The following ATP6V1H variants were observed in gnomAD, a reference collection of about 807,000 sequenced individuals.
ATP6V1H encodes the protein ATPase H+ transporting V1 subunit H.
A neutral mutation model predicts 71.7 loss-of-function variants in ATP6V1H; 39 were observed. That is an observed-to-expected ratio of 0.54 (90% CI 0.42 to 0.71). ATP6V1H has a LOEUF of 0.71. Ranked by LOEUF, ATP6V1H falls within the 30% of genes least tolerant of loss-of-function variation. The probability of loss-of-function intolerance (pLI) is 0.00; values close to 1 mark genes in which losing one functional copy is unlikely to be tolerated. For synonymous variants in ATP6V1H, 192 were observed against 199.3 expected, an observed-to-expected ratio of 0.96 and a Z score of 0.31; for missense variants, 509 against 594.9, an observed-to-expected ratio of 0.86 and a Z score of 1.50.
At chr8:53,831,389 C>T (rs988151738) in intron 3 of ATP6V1H, among the ~76,000 whole-genome samples, 1 of 152,162 alleles carries the variant, frequency 6.6e-6, no homozygotes, top group East Asian at 1.9e-4. Context: ...ACATAGAAAA[C>T]GTGCAGTAAA....
In ATP6V1H at chr8:53,726,689, T is replaced by C. The variant is rs570162744; in HGVS notation, c.1392-10665A>G. On this transcript the variant is annotated intron_variant, in intron 13 of 13. Coordinates refer to ENST00000359530, the MANE Select transcript of ATP6V1H (RefSeq NM_015941.4). The stretch of plus-strand genomic sequence containing the variant: ...CAGGAGAACATCTACCCATCTACTG[T>C]AGAGATGTGTAAAGATTCAAAAGAT... Among the ~76,000 whole-genome samples the C allele has an allele frequency of 4.6e-5, 7 of 152,314 alleles. No homozygotes were observed. In the South Asian group the frequency reaches 1.5e-3, roughly 32 times the overall value.
At chr8:53,752,242 T>C (rs1296326999) in intron 12 of ATP6V1H, among the ~76,000 whole-genome samples, 3 of 152,226 alleles carry the variant, frequency 2.0e-5, no homozygotes, top group African/African-American at 7.2e-5. Context: ...GCTACAACTT[T>C]TGAATATGAA....
chr8:53,820,866 C>T (rs1272136724), intron 4 of ATP6V1H, among the ~76,000 whole-genome samples: 1 of 151,208 alleles, frequency 6.6e-6, no homozygotes, highest in Non-Finnish European at 1.5e-5. Flanking sequence ...CTTGTAATCC[C>T]ACTACTCAGG....
At chr8:53,839,520 A>T (rs1161484472) in intron 2 of ATP6V1H, 1 of 822,528 alleles carries the variant, frequency 1.2e-6, no homozygotes, top group East Asian at 1.2e-4. Flanking sequence ...CACACACCAA[A>T]TCAATCACTA....
rs184388375 is a variant in ATP6V1H, at chr8:53,786,189, G to T, written c.870+9458C>A. Among the ~76,000 whole-genome samples, 1,285 of 152,306 alleles carry T rather than the reference G, an allele frequency of 8.4e-3. 4 individuals are homozygous for T. Among genetic ancestry groups the T allele is most frequent in the South Asian group, 0.015 (74 of 4,826 alleles). On this transcript the variant is annotated intron_variant, in intron 9 of 13. Transcript: ENST00000359530. ...CTTGAGCTGTGGTGGGCTCCACCCAGTTCAAGCTTCCAGGCCGCTTCGTTT... is the reference window on the plus strand; with the variant it reads ...CTTGAGCTGTGGTGGGCTCCACCCATTTCAAGCTTCCAGGCCGCTTCGTTT...
rs767877094 is a variant in ATP6V1H, at chr8:53,841,671, C to T, written c.20G>A (p.Arg7Gln). The T allele has an allele frequency of 4.5e-5, 73 of 1,613,690 alleles. No homozygotes were observed. Among genetic ancestry groups the T allele is most frequent in the Non-Finnish European group, 5.9e-5 (70 of 1,179,806 alleles). The change falls in exon 2 of 14, where the codon CGA (arginine) becomes CAA (glutamine). Residue 7 changes from arginine (R) to glutamine (Q), a missense_variant. Transcript: ENST00000359530. Reference sequence around the variant, plus strand: ...GGGGACAGCAGCATCCACAGCACCTCGGATATCCATTTTGGTCATCTAAAC... The same window carrying T: ...GGGGACAGCAGCATCCACAGCACCTTGGATATCCATTTTGGTCATCTAAAC... MTKMDI[R>Q]GAVDAAVPTN...
chr8:53,738,321 G>A (rs988802774), intron 13 of ATP6V1H, among the ~76,000 whole-genome samples: 2 of 150,380 alleles, frequency 1.3e-5, no homozygotes, highest in South Asian at 2.1e-4. Flanking sequence ...ATGCGTGCAC[G>A]TGCACACACA....
In ATP6V1H at chr8:53,817,518, G is replaced by A. The variant is rs748113513; in HGVS notation, c.319C>T (p.Arg107Cys). 15 of 1,607,688 alleles carry A rather than the reference G, an allele frequency of 9.3e-6. No individual in the cohort carries two copies. Among genetic ancestry groups the A allele is most frequent in the African/African-American group, 8.0e-5 (6 of 74,632 alleles). ...VDDMLQENHQRVSIFFDYARC... is the reference protein window; with the variant it reads ...VDDMLQENHQCVSIFFDYARC... ...GCATAGTCAAAGAAAATGCTAACAC[G>A]CTGATGATTTTCCTAAAAAAGAAAA... The change falls in exon 5 of 14, where the codon CGT (arginine) becomes TGT (cysteine). Residue 107 changes from arginine to cysteine, a missense_variant. Transcript: ENST00000359530.
chr8:53,792,491 C>T (rs1478560418), intron 9 of ATP6V1H, among the ~76,000 whole-genome samples: 4 of 152,186 alleles, frequency 2.6e-5, no homozygotes, highest in African/African-American at 9.7e-5. Context: ...GGGCTTAACA[C>T]ATCCAGCTGG....
At chr8:53,743,490 T>C in intron 13 of ATP6V1H, 87 bp downstream of exon 13, 3 of 910,866 alleles carry the variant, frequency 3.3e-6, no homozygotes, top group Non-Finnish European at 5.3e-6. Flanking sequence ...AAAATGATCA[T>C]TCAAAGCATT....
chr8:53,808,247 A>T (rs1181761739), intron 7 of ATP6V1H, among the ~76,000 whole-genome samples: 1 of 152,246 alleles, frequency 6.6e-6, no homozygotes, highest in African/African-American at 2.4e-5. Flanking sequence ...AATCTTCCAA[A>T]GTTTGTGGAG....
intron 11 of ATP6V1H, among the ~76,000 whole-genome samples, chr8:53,767,593 G>T (rs1465097180): frequency 1.3e-5 from 2 of 152,010 alleles, no homozygotes; most frequent in African/African-American, 4.8e-5. Context: ...TAAAGCAACA[G>T]CAATCAAAAC....
In ATP6V1H at chr8:53,771,975, A is replaced by G. The variant is rs771298928; in HGVS notation, c.1049+14T>C. On this transcript the variant is annotated intron_variant, in intron 10 of 13. Transcript: ENST00000359530. ...AACAGATCCAGCACATGAGAATTAA[A>G]AAGAATAACACACCTAAGGTCCTGG... 2 of 1,602,646 alleles carry G rather than the reference A, an allele frequency of 1.2e-6. No homozygotes were observed. The highest frequency in any genetic ancestry group is 1.7e-5 in the Admixed American group (1 of 57,720).
At chr8:53,805,552 T>G (rs1163533112) in intron 7 of ATP6V1H, among the ~76,000 whole-genome samples, 2 of 152,150 alleles carry the variant, frequency 1.3e-5, no homozygotes, top group African/African-American at 4.8e-5. Context: ...CAAATGGAAT[T>G]TTCATGCTTT....
At chr8:53,777,452 C>A (rs183908369) in intron 9 of ATP6V1H, among the ~76,000 whole-genome samples, 20 of 150,256 alleles carry the variant, frequency 1.3e-4, no homozygotes, top group Admixed American at 1.2e-3. Flanking sequence ...GGAGAGAGGT[C>A]AGAAGTGGAA....
chr8:53,819,084 T>C (rs1810547445), intron 4 of ATP6V1H, among the ~76,000 whole-genome samples: 1 of 151,828 alleles, frequency 6.6e-6, no homozygotes. Context: ...CACACGCCTA[T>C]GGTCCCAGCT....
intron 12 of ATP6V1H, among the ~76,000 whole-genome samples, chr8:53,748,443 G>T (rs1807683225): frequency 6.6e-6 from 1 of 152,162 alleles, no homozygotes; most frequent in South Asian, 2.1e-4. Context: ...TCTATTTGAA[G>T]GGGCCAGCAA....
intron 11 of ATP6V1H, among the ~76,000 whole-genome samples, chr8:53,758,001 T>C (rs972296261): frequency 6.6e-6 from 1 of 152,256 alleles, no homozygotes; most frequent in African/African-American, 2.4e-5. Context: ...CTGACCCTAG[T>C]TCCTCCTCAG....
intron 9 of ATP6V1H, among the ~76,000 whole-genome samples, chr8:53,789,857 C>T (rs1471102946): frequency 2.6e-5 from 4 of 152,224 alleles, no homozygotes; most frequent in Non-Finnish European, 4.4e-5. Flanking sequence ...TTCACTTCCA[C>T]ATTAACTAAT....
Sources: gnomAD v4.1 joint callset for allele counts (sites outside exome capture counted in the v4.1 genomes callset) on GRCh38, gnomAD v4.1.1 for gene constraint, MANE v1.5 for transcripts, NCBI Gene and HGNC (gene_info 2026-07-23, HGNC 2026-07-21) for gene names.